PTH2R: variants seen among roughly 807,000 people sequenced by gnomAD.
PTH2R encodes the protein parathyroid hormone 2 receptor.
A neutral mutation model predicts 60.3 loss-of-function variants in PTH2R; 59 were observed. The ratio of observed to expected loss-of-function variants is 0.98; its 90% CI spans 0.79 to 1.22. The LOEUF (loss-of-function observed/expected upper bound fraction) is 1.22, where lower values mean the gene tolerates loss of function less well. PTH2R is among the 50% of genes most tolerant of loss of function. The pLI is 0.00. For synonymous variants in PTH2R, 256 were observed against 243.8 expected, an observed-to-expected ratio of 1.05 and a Z score of -0.47; for missense variants, 749 against 682.6, an observed-to-expected ratio of 1.10 and a Z score of -1.08.
intron 9 of PTH2R, among the ~76,000 whole-genome samples, chr2:208,467,810 G>A (rs748200988): frequency 1.3e-5 from 2 of 152,002 alleles, no homozygotes; most frequent in Admixed American, 6.6e-5. Context: ...ACATTCCTGG[G>A]CCATAAAGCT....
chr2:208,466,286 G>GT (rs1193719521), intron 9 of PTH2R: 1 of 152,670 alleles, frequency 6.6e-6, no homozygotes. Context: ...TGGCATAATT[G>GT]TTACACATTT....
At chr2:208,485,593 A>G (rs933562433) in intron 10 of PTH2R, among the ~76,000 whole-genome samples, 2 of 152,206 alleles carry the variant, frequency 1.3e-5, no homozygotes, top group Non-Finnish European at 2.9e-5. Context: ...AAACTAGCAA[A>G]GCTCATCAGT....
intron 9 of PTH2R, among the ~76,000 whole-genome samples, chr2:208,469,331 A>G (rs1702828922): frequency 6.6e-6 from 1 of 152,220 alleles, no homozygotes; most frequent in Admixed American, 6.5e-5. Flanking sequence ...CCAGAATTTG[A>G]AATCCAAATT....
At chr2:208,483,804 G>A (rs1160282508) in intron 10 of PTH2R, among the ~76,000 whole-genome samples, 1 of 152,144 alleles carries the variant, frequency 6.6e-6, no homozygotes, top group Non-Finnish European at 1.5e-5. Flanking sequence ...CCAAAGTTAA[G>A]TCACAGATAA....
intron 9 of PTH2R, among the ~76,000 whole-genome samples, chr2:208,461,103 A>G (rs1053326231): frequency 6.6e-6 from 1 of 152,176 alleles, no homozygotes; most frequent in Non-Finnish European, 1.5e-5. Flanking sequence ...CGGAAATAAA[A>G]TACAGAACAC....
intron 1 of PTH2R, among the ~76,000 whole-genome samples, chr2:208,419,768 A>G (rs960721903): frequency 2.0e-5 from 3 of 152,202 alleles, no homozygotes; most frequent in African/African-American, 7.2e-5. Context: ...AGCACCATTT[A>G]TTAAACAGGG....
chr2:208,450,756 AGCAGCATTTGTT>A lies in PTH2R; in HGVS notation c.869_880del (p.Phe290_Ala293del). On this transcript the variant is annotated inframe_deletion, in exon 8 of 13. Transcript: ENST00000272847. ...ATCATTTTCTGATTTCAGGGTTTCC[AGCAGCATTTGTT>A]GCAGCATGGGCTGTGGCACGAGCAA... 6.2e-7 allele frequency: 1 copy of A among 1,614,040 alleles called. No individual in the cohort carries two copies. The highest frequency in any genetic ancestry group is 8.5e-7 in the Non-Finnish European group (1 of 1,179,904).
chr2:208,445,771 G>A (rs1488394992), intron 7 of PTH2R, among the ~76,000 whole-genome samples: 3 of 152,106 alleles, frequency 2.0e-5, no homozygotes, highest in African/African-American at 7.2e-5. Context: ...GTGAAGTAAA[G>A]AATGCTGAAC....
chr2:208,454,681 A>G (rs1702474977), intron 8 of PTH2R, among the ~76,000 whole-genome samples: 1 of 152,254 alleles, frequency 6.6e-6, no homozygotes, highest in Admixed American at 6.5e-5. Context: ...AAGAAAAGGT[A>G]ATTTAAAGAG....
intron 8 of PTH2R, among the ~76,000 whole-genome samples, chr2:208,456,909 C>T (rs1702526379): frequency 1.3e-5 from 2 of 152,156 alleles, no homozygotes; most frequent in Non-Finnish European, 2.9e-5. Flanking sequence ...AAATTTGAAA[C>T]TTTGACACTG....
chr2:208,384,163 A>G (rs1464969656), intron 1 of PTH2R, among the ~76,000 whole-genome samples: 1 of 152,214 alleles, frequency 6.6e-6, no homozygotes, highest in African/African-American at 2.4e-5. Flanking sequence ...CAGTTTAGCA[A>G]AGTGAGTTCA....
At chr2:208,382,735 A>G (rs1559203917) in intron 1 of PTH2R, among the ~76,000 whole-genome samples, 1 of 152,154 alleles carries the variant, frequency 6.6e-6, no homozygotes, top group Non-Finnish European at 1.5e-5. Flanking sequence ...TATTCCAGGG[A>G]AGTTTTGGTG....
At chr2:208,453,406 T>A (rs536402467) in intron 8 of PTH2R, among the ~76,000 whole-genome samples, 1 of 152,222 alleles carries the variant, frequency 6.6e-6, no homozygotes, top group African/African-American at 2.4e-5. Flanking sequence ...TATTCTACCA[T>A]ATAAATCTTC....
At position 208,442,376 on chromosome 2, in the gene PTH2R, G is replaced by A. The variant is rs1405997656; in HGVS notation, c.424G>A (p.Glu142Lys). ...DISIGKQEFF[E>K]RLYVMYTVGY... ...TCTTCCCTTGCAGCAAGAATTCTTT[G>A]AACGCCTCTATGTAATGTATACCGT... The change falls in exon 5 of 13, where the codon GAA becomes AAA. Residue 142 changes from glutamate (E) to lysine (K), a missense_variant. By Grantham distance (56) the Glu-to-Lys change is moderately conservative. Coordinates refer to ENST00000272847, the MANE Select transcript of PTH2R (RefSeq NM_005048.4). The A allele has an allele frequency of 1.9e-6, 3 of 1,611,118 alleles. No homozygotes were observed. In the African/African-American group the frequency reaches 4.0e-5, roughly 22 times the overall value.
chr2:208,488,887 AG>A (rs1455952630), intron 10 of PTH2R, 124 bp from the exon 11 acceptor site: 1 of 960,692 alleles, frequency 1.0e-6, no homozygotes, highest in Non-Finnish European at 1.5e-6. Flanking sequence ...TCTCAAGAAA[AG>A]ATAAAAAGAA....
chr2:208,481,165 GTA>G lies in PTH2R; in HGVS notation c.1076+2_1076+3del, dbSNP rs1273810818. 1 of 1,588,356 alleles carries G rather than the reference GTA, an allele frequency of 6.3e-7. No individual in the cohort carries two copies. The highest frequency in any genetic ancestry group is 8.6e-7 in the Non-Finnish European group (1 of 1,160,176). Reference sequence around the variant, plus strand: ...GGCATGACACAAGGAAGCAATACAGGTAATTTCAGGAGAGGCATCCATCAGAG... The same window carrying G: ...GGCATGACACAAGGAAGCAATACAGGATTTCAGGAGAGGCATCCATCAGAG... On this transcript the variant is annotated splice_donor_variant and splice_donor_region_variant and intron_variant, in intron 10 of 12. Transcript: ENST00000272847. LOFTEE classifies it high-confidence loss of function.
chr2:208,463,787 C>G (rs1211306672), intron 9 of PTH2R, among the ~76,000 whole-genome samples: 2 of 152,206 alleles, frequency 1.3e-5, no homozygotes, highest in African/African-American at 4.8e-5. Flanking sequence ...CACATTCTAC[C>G]TTGTATATCA....
At chr2:208,430,632 C>T (rs973366642) in intron 2 of PTH2R, among the ~76,000 whole-genome samples, 7 of 151,726 alleles carry the variant, frequency 4.6e-5, no homozygotes, top group African/African-American at 1.5e-4. Context: ...CTGCAAGCTC[C>T]GCCTCCCGGG....
chr2:208,478,129 G>T (rs1260953029), intron 9 of PTH2R, among the ~76,000 whole-genome samples: 1 of 151,898 alleles, frequency 6.6e-6, no homozygotes, highest in Non-Finnish European at 1.5e-5. Flanking sequence ...TTTTTCTTCT[G>T]TTATGTTTTT....
Sources: allele counts gnomAD v4.1 joint callset (sites outside exome capture counted in the v4.1 genomes callset), GRCh38; gene constraint gnomAD v4.1.1; transcripts MANE v1.5; gene names NCBI Gene and HGNC (gene_info 2026-07-23, HGNC 2026-07-21).